Variants in SEC14L3 observed in about 807,000 individuals in gnomAD.
SEC14L3 encodes SEC14 like lipid binding 3, also known as SEC14-like protein 3.
SEC14L3 carries 56 observed loss-of-function variants against 57.4 expected under a neutral mutation model. The observed-to-expected ratio is 0.97, with a 90% CI of 0.79 to 1.22. SEC14L3 has a LOEUF of 1.22. Ranked by LOEUF, SEC14L3 falls within the 50% of genes most tolerant of loss-of-function variation. The pLI is 0.00. For missense variants in SEC14L3, 485 were observed against 511.7 expected, an observed-to-expected ratio of 0.95 and a Z score of 0.50; for synonymous variants, 173 against 194.4, an observed-to-expected ratio of 0.89 and a Z score of 0.92.
downstream of SEC14L3, among the ~76,000 whole-genome samples, chr22:30,454,581 ATAATATTAT>A (rs1935051346): frequency 9.9e-6 from 1 of 101,484 alleles, no homozygotes; most frequent in Non-Finnish European, 1.8e-5. Flanking sequence ...ATAATCTATA[ATAATATTAT>A]TATATATAAT....
chr22:30,453,858 T>TA (rs1935032825), intron 12 of SEC14L3, among the ~76,000 whole-genome samples: 1 of 152,062 alleles, frequency 6.6e-6, no homozygotes, highest in African/African-American at 2.4e-5. Flanking sequence ...GGGACACCTA[T>TA]ATGGTGGCCC....
chr22:30,450,647 T>G (rs748608801), intron 12 of SEC14L3, among the ~76,000 whole-genome samples: 11 of 152,082 alleles, frequency 7.2e-5, no homozygotes, highest in South Asian at 2.1e-4. Flanking sequence ...GTAAGACCTC[T>G]CCGTTTCAAG....
chr22:30,448,021 G>A (rs941611271), exon 13 of SEC14L3: 2 of 150,528 alleles, frequency 1.3e-5, no homozygotes, highest in African/African-American at 4.9e-5. Context: ...GGTAAGTTCT[G>A]GGCATAGGAC....
intron 3 of SEC14L3, 27 bp from the exon 4 acceptor site, chr22:30,470,105 C>A: frequency 6.2e-7 from 1 of 1,607,732 alleles, no homozygotes; most frequent in Non-Finnish European, 8.5e-7. Flanking sequence ...TGGTAAGATC[C>A]CACTGGGCTC....
chr22:30,466,357 A>C lies in SEC14L3; in HGVS notation c.557T>G (p.Leu186Arg), dbSNP rs765071820. The C allele has an allele frequency of 1.9e-6, 3 of 1,614,148 alleles. No individual in the cohort carries two copies. The highest frequency in any genetic ancestry group is 1.7e-6 in the Non-Finnish European group (2 of 1,180,004). ...ACCTTTCACGATGAGCATGAACTTCAGGGTCTCTGGGTAATTCTCTTCAAG... is the reference window on the plus strand; with the variant it reads ...ACCTTTCACGATGAGCATGAACTTCCGGGTCTCTGGGTAATTCTCTTCAAG... ...GLLEENYPET[L>R]KFMLIVKATK... The change falls in exon 7 of 12, where the codon CTG becomes CGG. Residue 186 changes from leucine (L) to arginine (R), a missense_variant. Physicochemically the swap from Leu to Arg is moderately radical, Grantham distance 102 (BLOSUM62 -2). Coordinates refer to ENST00000215812, the MANE Select transcript of SEC14L3 (RefSeq NM_174975.5).
chr22:30,451,991 C>CAAAAAAAAAAAAAAAAAAAAAAA (rs34799395), intron 12 of SEC14L3, among the ~76,000 whole-genome samples: 1 of 33,820 alleles, frequency 3.0e-5, no homozygotes, highest in Non-Finnish European at 4.8e-5. Flanking sequence ...GACTCCATCT[C>CAAAAAAAAAAAAAAAAAAAAAAA]AAAAAAAAAA....
At chr22:30,454,922 TATATAATAGATATATA>T (rs1935075981), downstream of SEC14L3, among the ~76,000 whole-genome samples, 7 of 58,568 alleles carry the variant, frequency 1.2e-4, no homozygotes, top group Admixed American at 3.3e-4. Context: ...TATTATATAT[TATATAATAGATATATA>T]ATATATTATT....
At chr22:30,459,205 G>C (rs911169457), downstream of SEC14L3, 240 of 908,900 alleles carry the variant, frequency 2.6e-4, no homozygotes, top group Non-Finnish European at 3.1e-4. Flanking sequence ...CACAGTTTCT[G>C]GTACACAGAG....
chr22:30,460,223 G>C (rs1419441018), intron 11 of SEC14L3, 81 bp from the exon 12 acceptor site: 1 of 1,550,356 alleles, frequency 6.5e-7, no homozygotes, highest in Non-Finnish European at 8.8e-7. Flanking sequence ...AGGAGGACAG[G>C]CTTGTGTTCC....
At chr22:30,452,006 A>AG (rs1369330918) in intron 12 of SEC14L3, among the ~76,000 whole-genome samples, 11 of 142,162 alleles carry the variant, frequency 7.7e-5, no homozygotes, top group South Asian at 4.3e-4. Flanking sequence ...AAAAAAAAAA[A>AG]AAAGAAAAAA....
rs759673369 is a variant in SEC14L3, at chr22:30,461,315, C to T, written c.1076G>A (p.Gly359Asp). ...CCCAGCTGGGGCAGACTTACAGACGCCGGCCTCTGAGCAGGTGAGGTTCCC... is the reference window on the plus strand; with the variant it reads ...CCCAGCTGGGGCAGACTTACAGACGTCGGCCTCTGAGCAGGTGAGGTTCCC... The part of the protein sequence containing the change: ...EDGNLTCSEA[G>D]VYVLRFDNTY... The change falls in exon 11 of 12, where the codon GGC (glycine) becomes GAC (aspartate). Residue 359 changes from glycine (G) to aspartate (D), a missense_variant. Physicochemically the swap from Gly to Asp is moderately conservative, Grantham distance 94. Transcript: ENST00000215812. 44 of 1,587,266 alleles carry T rather than the reference C, an allele frequency of 2.8e-5. No homozygotes were observed. The East Asian group carries it at 4.7e-4, about 17-fold the overall frequency.
chr22:30,451,420 C>T (rs1934978373), intron 12 of SEC14L3, among the ~76,000 whole-genome samples: 1 of 152,068 alleles, frequency 6.6e-6, no homozygotes, highest in African/African-American at 2.4e-5. Context: ...ACACCTTGTC[C>T]CCGGCCCCCC....
At chr22:30,453,095 T>G (rs1935019082) in intron 12 of SEC14L3, among the ~76,000 whole-genome samples, 1 of 152,170 alleles carries the variant, frequency 6.6e-6, no homozygotes, top group Non-Finnish European at 1.5e-5. Flanking sequence ...CCGTTTTGCT[T>G]GGTAACACTA....
chr22:30,456,011 T>C (rs974776120), downstream of SEC14L3, among the ~76,000 whole-genome samples: 6 of 152,146 alleles, frequency 3.9e-5, no homozygotes, highest in African/African-American at 1.4e-4. Context: ...TTTGTGTTAC[T>C]ATAAAGGAAT....
At chr22:30,464,944 A>G (rs1935373337) in intron 7 of SEC14L3, 41 bp from the exon 8 acceptor site, 3 of 1,613,112 alleles carry the variant, frequency 1.9e-6, no homozygotes, top group Admixed American at 3.3e-5. Context: ...GAAAAGAATT[A>G]CATTGGGCAA....
chr22:30,460,828 CAAAAAA>C (rs747778887), intron 11 of SEC14L3, among the ~76,000 whole-genome samples: 13 of 104,396 alleles, frequency 1.2e-4, no homozygotes, highest in Non-Finnish European at 2.1e-4. Context: ...AACTCTGTCT[CAAAAAA>C]AAAAAAAAAA....
chr22:30,447,909 G>C (rs763467825), downstream of SEC14L3: 3 of 151,504 alleles, frequency 2.0e-5, no homozygotes, highest in Admixed American at 6.6e-5. Context: ...GCCTCTTCTG[G>C]GCCTATTTAA....
intron 12 of SEC14L3, among the ~76,000 whole-genome samples, chr22:30,449,641 T>C (rs1381514283): frequency 6.6e-6 from 1 of 151,218 alleles, no homozygotes; most frequent in Non-Finnish European, 1.5e-5. Flanking sequence ...CTCAGCTCAC[T>C]GCAACCTCCG....
At chr22:30,467,196 C>A in intron 5 of SEC14L3, 119 bp from the exon 6 acceptor site, 1 of 1,392,636 alleles carries the variant, frequency 7.2e-7, no homozygotes, top group Non-Finnish European at 9.7e-7. Flanking sequence ...CTCAGAGGAA[C>A]AAGTAGACTA....
Sources: allele counts gnomAD v4.1 joint callset (sites outside exome capture counted in the v4.1 genomes callset), GRCh38; gene constraint gnomAD v4.1.1; transcripts MANE v1.5; gene names NCBI Gene and HGNC (gene_info 2026-07-23, HGNC 2026-07-21).